The following BMERB1 variants were observed in gnomAD, a reference collection of about 807,000 sequenced individuals.
BMERB1 encodes the protein bMERB domain-containing protein 1.
Under a neutral mutation model 23.6 loss-of-function variants are expected in BMERB1, and 12 were observed. The ratio of observed to expected loss-of-function variants is 0.51; its 90% CI spans 0.33 to 0.82. The LOEUF is 0.82. Among genes scored for constraint, BMERB1 ranks in the 40% least tolerant of loss-of-function variants. The pLI is 0.03. For synonymous variants in BMERB1, 122 were observed against 96.6 expected (o/e 1.26, Z -1.54); for missense variants, 247 against 255.4 (o/e 0.97, Z 0.22).
intron 1 of BMERB1, among the ~76,000 whole-genome samples, chr16:15,436,525 C>T (rs780947311): frequency 6.6e-6 from 1 of 152,106 alleles, no homozygotes; most frequent in Non-Finnish European, 1.5e-5. Context: ...TCCCAAAGTG[C>T]CGGGATTACA....
intron 2 of BMERB1, among the ~76,000 whole-genome samples, chr16:15,534,820 G>T (rs191104960): frequency 1.3e-5 from 2 of 151,900 alleles, no homozygotes; most frequent in Non-Finnish European, 2.9e-5. Flanking sequence ...CAGCAGCTTT[G>T]CCCTCTTCTA....
chr16:15,498,463 G>T (rs2051496404), intron 1 of BMERB1, among the ~76,000 whole-genome samples: 1 of 152,010 alleles, frequency 6.6e-6, no homozygotes, highest in Non-Finnish European at 1.5e-5. Context: ...GCTTGAGGAT[G>T]CAGTGAGGTA....
intron 1 of BMERB1, among the ~76,000 whole-genome samples, chr16:15,504,730 G>A (rs2051567119): frequency 6.6e-6 from 1 of 151,446 alleles, no homozygotes; most frequent in Admixed American, 6.6e-5. Context: ...CGGGATTACA[G>A]ACATGAGCCA....
At chr16:15,475,680 C>G (rs1468651371) in intron 1 of BMERB1, among the ~76,000 whole-genome samples, 1 of 152,106 alleles carries the variant, frequency 6.6e-6, no homozygotes, top group African/African-American at 2.4e-5. Flanking sequence ...GTAAAGAAAT[C>G]AGAGTGCCAC....
intron 2 of BMERB1, among the ~76,000 whole-genome samples, chr16:15,564,623 G>C (rs1598524066): frequency 1.3e-5 from 2 of 152,180 alleles, no homozygotes; most frequent in Non-Finnish European, 1.5e-5. Flanking sequence ...CAAGACAAAT[G>C]CTAGTGTGTT....
chr16:15,506,299 C>T (rs980074364), intron 1 of BMERB1, among the ~76,000 whole-genome samples: 2 of 152,018 alleles, frequency 1.3e-5, no homozygotes, highest in African/African-American at 4.8e-5. Flanking sequence ...CCTCAGCCTC[C>T]CAAGTAGCTG....
chr16:15,540,263 C>T (rs1474070264), intron 2 of BMERB1, among the ~76,000 whole-genome samples: 2 of 151,876 alleles, frequency 1.3e-5, no homozygotes, highest in Admixed American at 6.6e-5. Flanking sequence ...AAAGAGAACA[C>T]GCCTGTAATC....
chr16:15,563,691 C>G (rs770808447), intron 2 of BMERB1, among the ~76,000 whole-genome samples: 1 of 152,056 alleles, frequency 6.6e-6, no homozygotes, highest in African/African-American at 2.4e-5. Context: ...GGAGAAGGAA[C>G]AAGAGAGCAA....
intron 1 of BMERB1, among the ~76,000 whole-genome samples, chr16:15,469,585 A>T (rs753925927): frequency 1.3e-5 from 2 of 152,182 alleles, no homozygotes; most frequent in African/African-American, 4.8e-5. Context: ...AGTGTAACTG[A>T]TATCTTTACT....
intron 2 of BMERB1, among the ~76,000 whole-genome samples, chr16:15,550,174 C>T (rs1484802103): frequency 1.3e-5 from 2 of 152,188 alleles, no homozygotes; most frequent in Non-Finnish European, 2.9e-5. Flanking sequence ...CTCCTGACCT[C>T]GTGATCCACC....
chr16:15,502,822 G>A (rs903746137), intron 1 of BMERB1, among the ~76,000 whole-genome samples: 6 of 152,128 alleles, frequency 3.9e-5, no homozygotes, highest in Admixed American at 1.3e-4. Flanking sequence ...TTGGAGCTGC[G>A]GGGCTGTGGT....
rs35112172 is a variant in BMERB1 at position 15,466,720 on chromosome 16, C to CTGTGTG, written c.106+31975_106+31980dup. Among the ~76,000 whole-genome samples the CTGTGTG allele has an allele frequency of 2.6e-3, 385 of 150,766 alleles. 2 individuals are homozygous for CTGTGTG. Among genetic ancestry groups the CTGTGTG allele is most frequent in the African/African-American group, 8.6e-3 (353 of 41,070 alleles). The stretch of plus-strand genomic sequence containing the variant: ...GATTTCACCAGATTTATGTGTGTGT[C>CTGTGTG]TGTGTGTGTGTGTGTGTGTATTTAG... On this transcript the variant is annotated intron_variant, in intron 1 of 5. Coordinates refer to ENST00000300006, the MANE Select transcript of BMERB1 (RefSeq NM_033201.3).
At chr16:15,527,418 A>C (rs1414792965) in intron 2 of BMERB1, among the ~76,000 whole-genome samples, 3 of 152,186 alleles carry the variant, frequency 2.0e-5, no homozygotes, top group Admixed American at 1.3e-4. Flanking sequence ...CACCCTGGGC[A>C]ACATGGTGAA....
At chr16:15,468,534 C>T (rs1322432886) in intron 1 of BMERB1, among the ~76,000 whole-genome samples, 2 of 152,158 alleles carry the variant, frequency 1.3e-5, no homozygotes, top group African/African-American at 4.8e-5. Context: ...GTCTGGCTCT[C>T]CCTTCCAATC....
At chr16:15,518,186 T>A (rs1030093749) in intron 2 of BMERB1, among the ~76,000 whole-genome samples, 1 of 152,210 alleles carries the variant, frequency 6.6e-6, no homozygotes, top group African/African-American at 2.4e-5. Context: ...TGTCCTCATC[T>A]AGCCCATGAA....
intron 2 of BMERB1, among the ~76,000 whole-genome samples, chr16:15,558,688 A>C (rs1481871652): frequency 6.6e-6 from 1 of 151,400 alleles, no homozygotes; most frequent in Non-Finnish European, 1.5e-5. Context: ...AATGACATAT[A>C]GTGACATATG....
At chr16:15,586,443 C>T (rs1256080972) in intron 5 of BMERB1, among the ~76,000 whole-genome samples, 1 of 152,062 alleles carries the variant, frequency 6.6e-6, no homozygotes, top group Non-Finnish European at 1.5e-5. Context: ...TTGGCAGGTA[C>T]AATGATGATA....
At chr16:15,557,773 A>G (rs1199833384) in intron 2 of BMERB1, among the ~76,000 whole-genome samples, 2 of 152,192 alleles carry the variant, frequency 1.3e-5, no homozygotes, top group Non-Finnish European at 2.9e-5. Flanking sequence ...GAGGCTGGAC[A>G]CAGTGGCTCA....
intron 2 of BMERB1, among the ~76,000 whole-genome samples, chr16:15,546,629 C>T (rs2029925776): frequency 1.3e-5 from 2 of 152,188 alleles, no homozygotes; most frequent in Admixed American, 6.5e-5. Flanking sequence ...TATATGTCCA[C>T]GTGTAAGTGT....
Sources: allele counts gnomAD v4.1 joint callset (sites outside exome capture counted in the v4.1 genomes callset), GRCh38; gene constraint gnomAD v4.1.1; transcripts MANE v1.5; gene names NCBI Gene and HGNC (gene_info 2026-07-23, HGNC 2026-07-21).